Variants in CSGALNACT1 observed in about 807,000 individuals in gnomAD.
CSGALNACT1 encodes the protein beta4GalNAcT-1.
Under a neutral mutation model 51.0 loss-of-function variants are expected in CSGALNACT1, and 52 were observed. The ratio of observed to expected loss-of-function variants is 1.02; its 90% CI spans 0.82 to 1.29. The LOEUF (loss-of-function observed/expected upper bound fraction) is 1.29, where lower values mean the gene tolerates loss of function less well. Ranked by LOEUF, CSGALNACT1 falls within the 50% of genes most tolerant of loss-of-function variation. The probability of loss-of-function intolerance (pLI) is 0.00; values close to 1 mark genes in which losing one functional copy is unlikely to be tolerated. For missense variants in CSGALNACT1, 935 were observed against 679.2 expected, an observed-to-expected ratio of 1.38 and a Z score of -4.19; for synonymous variants, 341 against 254.4, an observed-to-expected ratio of 1.34 and a Z score of -3.24.
chr8:19,614,183 A>T (rs1157521453), intron 1 of CSGALNACT1, among the ~76,000 whole-genome samples: 1 of 152,196 alleles, frequency 6.6e-6, no homozygotes, highest in African/African-American at 2.4e-5. Context: ...CAAGTACTTT[A>T]TATGCCTGAT....
intron 3 of CSGALNACT1, among the ~76,000 whole-genome samples, chr8:19,512,095 CAGA>C (rs1563825918): frequency 1.3e-5 from 2 of 152,172 alleles, no homozygotes; most frequent in Admixed American, 6.5e-5. Flanking sequence ...ACCAATATGG[CAGA>C]AGAAGTGGTA....
At chr8:19,712,521 G>T (rs2154233315) in intron 1 of CSGALNACT1, among the ~76,000 whole-genome samples, 1 of 152,220 alleles carries the variant, frequency 6.6e-6, no homozygotes, top group East Asian at 1.9e-4. Context: ...CATTCACTCT[G>T]CTTGTTCTCC....
chr8:19,682,844 G>C, upstream of CSGALNACT1: 1 of 410,768 alleles, frequency 2.4e-6, no homozygotes, highest in Non-Finnish European at 5.0e-6. Context: ...ATCAGGGCCA[G>C]GACACTGCAG....
At chr8:19,679,250 C>T (rs942342053) in intron 1 of CSGALNACT1, among the ~76,000 whole-genome samples, 2 of 151,970 alleles carry the variant, frequency 1.3e-5, no homozygotes, top group African/African-American at 4.8e-5. Context: ...CTCAGGAGTT[C>T]GAGGCCAGCC....
upstream of CSGALNACT1, among the ~76,000 whole-genome samples, chr8:19,685,145 C>T (rs1012022292): frequency 6.6e-6 from 1 of 152,210 alleles, no homozygotes; most frequent in African/African-American, 2.4e-5. Flanking sequence ...GTACCCAATA[C>T]ATGGCAATAA....
At position 19,751,287 on chromosome 8, in the gene CSGALNACT1, G is replaced by A. The variant is rs1436682806; in HGVS notation, c.-297+6563C>T. ...GCGTTCTCATCCGTAAAACGCAGAT[G>A]ATAAGAGTGCACAGTTCCTAAGGTG... On this transcript the variant is annotated intron_variant, in intron 1 of 1. Transcript: ENST00000517494. Among the ~76,000 whole-genome samples, 7 of 152,260 alleles carry A rather than the reference G, an allele frequency of 4.6e-5. No homozygotes were observed. In the South Asian group the frequency reaches 1.2e-3, roughly 27 times the overall value.
rs571476420 is a variant in CSGALNACT1, at chr8:19,483,780, C to G, written c.634+21421G>C. ...TTCTTCATCTTTGTTTCAACCATGT[C>G]TGACGGCAAATAATAAATTACTATT... On this transcript the variant is annotated intron_variant, in intron 4 of 9. Transcript: ENST00000454498. 1.3e-4 allele frequency among the ~76,000 whole-genome samples: 20 copies of G among 152,334 alleles called. No homozygotes were observed. The South Asian group carries it at 2.1e-3, about 16-fold the overall frequency.
chr8:19,713,270 T>C (rs1468090746), intron 1 of CSGALNACT1, among the ~76,000 whole-genome samples: 1 of 152,184 alleles, frequency 6.6e-6, no homozygotes, highest in Non-Finnish European at 1.5e-5. Flanking sequence ...ATAACTTGTT[T>C]GAAGGGCATG....
intron 9 of CSGALNACT1, among the ~76,000 whole-genome samples, chr8:19,408,082 G>A (rs1231692837): frequency 3.9e-5 from 6 of 152,176 alleles, no homozygotes; most frequent in Admixed American, 3.3e-4. Context: ...TACCCTTACT[G>A]GGAGGCTTAG....
chr8:19,676,701 C>T (rs1246813371), intron 1 of CSGALNACT1, among the ~76,000 whole-genome samples: 1 of 152,160 alleles, frequency 6.6e-6, no homozygotes, highest in Non-Finnish European at 1.5e-5. Context: ...ATAAATTAAG[C>T]AGCAGGAGGA....
chr8:19,521,459 C>T (rs2080683782), intron 3 of CSGALNACT1, among the ~76,000 whole-genome samples: 2 of 152,110 alleles, frequency 1.3e-5, no homozygotes, highest in South Asian at 4.1e-4. Context: ...GAAGTGGGTA[C>T]ATCACTTGAG....
At chr8:19,485,894 G>A (rs751445820) in intron 4 of CSGALNACT1, among the ~76,000 whole-genome samples, 4 of 144,992 alleles carry the variant, frequency 2.8e-5, no homozygotes, top group Non-Finnish European at 4.5e-5. Flanking sequence ...AACTTCCCAA[G>A]TAGCTGGGAT....
At chr8:19,510,346 T>C (rs2154008802) in intron 3 of CSGALNACT1, among the ~76,000 whole-genome samples, 1 of 152,282 alleles carries the variant, frequency 6.6e-6, no homozygotes, top group South Asian at 2.1e-4. Context: ...GAGCAATGCT[T>C]GTAGGACTCA....
chr8:19,736,762 G>T (rs1359208784), intron 1 of CSGALNACT1, among the ~76,000 whole-genome samples: 1 of 152,088 alleles, frequency 6.6e-6, no homozygotes. Flanking sequence ...TAGATTTAAG[G>T]AACAGAGAGG....
At chr8:19,689,205 T>G (rs893070366) in intron 1 of CSGALNACT1, among the ~76,000 whole-genome samples, 3 of 152,172 alleles carry the variant, frequency 2.0e-5, no homozygotes, top group Non-Finnish European at 4.4e-5. Context: ...AAGACTGTAT[T>G]ATAGTTCTCC....
intron 6 of CSGALNACT1, among the ~76,000 whole-genome samples, chr8:19,438,127 G>A (rs1283976955): frequency 3.3e-5 from 5 of 150,516 alleles, no homozygotes; most frequent in Non-Finnish European, 7.4e-5. Flanking sequence ...TAGGAAGGAG[G>A]CTGTGAAGCC....
chr8:19,532,906 T>C (rs2083050590), intron 3 of CSGALNACT1, among the ~76,000 whole-genome samples: 1 of 152,232 alleles, frequency 6.6e-6, no homozygotes, highest in Non-Finnish European at 1.5e-5. Context: ...CCGGACTCAG[T>C]ATTTTCCAAC....
chr8:19,503,778 G>A (rs892196807), intron 4 of CSGALNACT1, among the ~76,000 whole-genome samples: 1 of 149,070 alleles, frequency 6.7e-6, no homozygotes, highest in Non-Finnish European at 1.5e-5. Context: ...TCATATGAAT[G>A]AGTTTTTTTT....
rs535726296 is a variant in CSGALNACT1, at chr8:19,745,621, C to T, written c.-297+12229G>A. Among the ~76,000 whole-genome samples the T allele has an allele frequency of 4.9e-4, 74 of 152,278 alleles. 1 individual carries two copies. Among genetic ancestry groups the T allele is most frequent in the Non-Finnish European group, 9.4e-4 (64 of 68,026 alleles). On this transcript the variant is annotated intron_variant, in intron 1 of 1. Transcript: ENST00000517494. ...ATTTGATTCATGAAGCTTTTTGCCA[C>T]CATTTCCATTTCTGATGTTGTAAAA...
Sources: gnomAD v4.1 joint callset for allele counts (sites outside exome capture counted in the v4.1 genomes callset) on GRCh38, gnomAD v4.1.1 for gene constraint, MANE v1.5 for transcripts, NCBI Gene and HGNC (gene_info 2026-07-23, HGNC 2026-07-21) for gene names.